The following SEMA3A variants were observed in gnomAD, a reference collection of about 807,000 sequenced individuals.
The protein encoded by SEMA3A is semaphorin 3A.
A neutral mutation model predicts 97.9 loss-of-function variants in SEMA3A; 29 were observed. The ratio of observed to expected loss-of-function variants is 0.30; its 90% CI spans 0.22 to 0.40. SEMA3A has a LOEUF of 0.40. Ranked by LOEUF, SEMA3A falls within the 10% of genes least tolerant of loss-of-function variation. The pLI is 1.00. For synonymous variants in SEMA3A, 321 were observed against 323.7 expected (o/e 0.99, Z 0.09); for missense variants, 763 against 951.3 (o/e 0.80, Z 2.60).
Position 84,376,783 on chromosome 7 carries a change from T to C in SEMA3A, c.-245-4883A>G, listed in dbSNP as rs1265787183. On this transcript the variant is annotated intron_variant, in intron 1 of 3. Transcript: ENST00000424555. ...AGCATTTGTTCATATATTTTTATGA[T>C]GTTTGTGTGTCTTCTTTTGAGAAAT... Among the ~76,000 whole-genome samples, 7 of 152,172 alleles carry C rather than the reference T, an allele frequency of 4.6e-5. No individual in the cohort carries two copies. In the East Asian group the frequency reaches 1.4e-3, roughly 29 times the overall value.
At chr7:84,409,457 C>G (rs1190096785) in intron 1 of SEMA3A, among the ~76,000 whole-genome samples, 1 of 151,894 alleles carries the variant, frequency 6.6e-6, no homozygotes, top group Non-Finnish European at 1.5e-5. Flanking sequence ...TCACATTAGC[C>G]CTTTTTGTGT....
intron 1 of SEMA3A, among the ~76,000 whole-genome samples, chr7:84,481,593 AATTT>A (rs1806447445): frequency 6.6e-6 from 1 of 152,174 alleles, no homozygotes; most frequent in Non-Finnish European, 1.5e-5. Flanking sequence ...AATACTTTTT[AATTT>A]AAGTAATGCT....
At chr7:84,273,185 T>C (rs774452122) in intron 3 of SEMA3A, among the ~76,000 whole-genome samples, 67 of 152,218 alleles carry the variant, frequency 4.4e-4, no homozygotes, top group Middle Eastern at 3.4e-3. Context: ...CAAATTTATC[T>C]AAAATATTTT....
chr7:84,090,503 A>G (rs1794529595), intron 4 of SEMA3A, among the ~76,000 whole-genome samples: 5 of 152,130 alleles, frequency 3.3e-5, no homozygotes, highest in Admixed American at 3.3e-4. Flanking sequence ...GTCAACCTAA[A>G]TGCAAAAAAA....
chr7:84,285,157 A>G (rs760692836), intron 3 of SEMA3A, among the ~76,000 whole-genome samples: 1 of 152,096 alleles, frequency 6.6e-6, no homozygotes, highest in Non-Finnish European at 1.5e-5. Context: ...GCTTATCTAC[A>G]ATTCCCAGGT....
chr7:84,417,714 C>T (rs572457516), intron 1 of SEMA3A, among the ~76,000 whole-genome samples: 54 of 152,170 alleles, frequency 3.5e-4, no homozygotes, highest in African/African-American at 1.3e-3. Context: ...TCACCTTAGA[C>T]ATGAAGGATA....
chr7:84,454,372 C>T (rs1157034656), intron 1 of SEMA3A, among the ~76,000 whole-genome samples: 1 of 152,136 alleles, frequency 6.6e-6, no homozygotes, highest in Non-Finnish European at 1.5e-5. Flanking sequence ...GAGTTACTAA[C>T]ATTAAGGTAA....
At chr7:84,010,242 A>G in intron 9 of SEMA3A, among the ~76,000 whole-genome samples, 1 of 152,144 alleles carries the variant, frequency 6.6e-6, no homozygotes, top group East Asian at 1.9e-4. Context: ...TTCAATTGTT[A>G]TATTAATAAC....
intron 5 of SEMA3A, among the ~76,000 whole-genome samples, chr7:84,050,140 G>A (rs1460915421): frequency 6.6e-6 from 1 of 151,832 alleles, no homozygotes; most frequent in Non-Finnish European, 1.5e-5. Flanking sequence ...TTGGTTCCAA[G>A]TCTTTGTTAT....
chr7:84,132,253 C>A (rs1236170832), intron 2 of SEMA3A, among the ~76,000 whole-genome samples: 2 of 152,208 alleles, frequency 1.3e-5, no homozygotes, highest in South Asian at 2.1e-4. Flanking sequence ...AACTCAAAGG[C>A]AAGTGCTATA....
intron 3 of SEMA3A, among the ~76,000 whole-genome samples, chr7:84,209,558 C>T (rs760498595): frequency 2.3e-4 from 35 of 152,130 alleles, no homozygotes; most frequent in Middle Eastern, 3.4e-3. Context: ...CCTTCTTGTG[C>T]TGAAAATAGT....
In SEMA3A at chr7:84,411,161, T is replaced by G. The variant is rs147812358; in HGVS notation, c.-245-39261A>C. Among the ~76,000 whole-genome samples, 666 of 152,182 alleles carry G rather than the reference T, an allele frequency of 4.4e-3. 5 individuals are homozygous for G. The highest frequency in any genetic ancestry group is 0.015 in the African/African-American group (639 of 41,526). On this transcript the variant is annotated intron_variant, in intron 1 of 3. Transcript: ENST00000424555. ...AAACATCAATGGAGAGGTAGAGAGA[T>G]AGCATTCTTCTCCCACCCTGTAATA...
At chr7:84,017,670 C>A (rs1791160320) in intron 6 of SEMA3A, among the ~76,000 whole-genome samples, 2 of 152,122 alleles carry the variant, frequency 1.3e-5, no homozygotes, top group African/African-American at 4.8e-5. Context: ...TGCTTTTTGG[C>A]CAAAACCTCT....
chr7:84,206,619 G>A (rs1031774502), intron 3 of SEMA3A, among the ~76,000 whole-genome samples: 3 of 151,958 alleles, frequency 2.0e-5, no homozygotes, highest in African/African-American at 7.3e-5. Context: ...ACCGCGTCCG[G>A]CCTTCCAAGA....
intron 2 of SEMA3A, among the ~76,000 whole-genome samples, chr7:84,350,179 A>T (rs1802402774): frequency 6.6e-6 from 1 of 152,224 alleles, no homozygotes; most frequent in East Asian, 1.9e-4. Context: ...GTTTAGATTA[A>T]ATGTTTCTCA....
At chr7:84,105,390 A>G (rs1795078720) in intron 4 of SEMA3A, among the ~76,000 whole-genome samples, 2 of 152,126 alleles carry the variant, frequency 1.3e-5, no homozygotes, top group Admixed American at 1.3e-4. Context: ...GCACACTCCT[A>G]TTTCTAGTGG....
chr7:84,222,088 T>A (rs1798896227), intron 3 of SEMA3A, among the ~76,000 whole-genome samples: 1 of 152,010 alleles, frequency 6.6e-6, no homozygotes, highest in South Asian at 2.1e-4. Context: ...TTCATTTTTA[T>A]ACCTCTGAGA....
rs1194658559 is a variant in SEMA3A, at chr7:84,429,642, C to T, written c.-245-57742G>A. On this transcript the variant is annotated intron_variant, in intron 1 of 3. Transcript: ENST00000424555. ...ACTTTTTCCTGCCCTGGTCATCCTACACCCTTCCCCTAAAAATAGAAAGAT... is the reference window on the plus strand; with the variant it reads ...ACTTTTTCCTGCCCTGGTCATCCTATACCCTTCCCCTAAAAATAGAAAGAT... 5.4e-5 allele frequency among the ~76,000 whole-genome samples: 8 copies of T among 148,154 alleles called. No homozygotes were observed. The Admixed American group carries it at 5.5e-4, about 10-fold the overall frequency.
At chr7:84,150,643 G>T (rs963929130) in intron 1 of SEMA3A, among the ~76,000 whole-genome samples, 1 of 152,160 alleles carries the variant, frequency 6.6e-6, no homozygotes, top group Non-Finnish European at 1.5e-5. Flanking sequence ...CAAACTGCAA[G>T]GCGGCAGTGA....
Sources: allele counts gnomAD v4.1 joint callset (sites outside exome capture counted in the v4.1 genomes callset), GRCh38; gene constraint gnomAD v4.1.1; transcripts MANE v1.5; gene names NCBI Gene and HGNC (gene_info 2026-07-23, HGNC 2026-07-21).